Variants in RBFOX2 observed in about 807,000 individuals in gnomAD.
RBFOX2 encodes RNA binding protein fox-1 homolog 2.
A neutral mutation model predicts 49.1 loss-of-function variants in RBFOX2; 10 were observed. That is an observed-to-expected ratio of 0.20 (90% CI 0.13 to 0.35). The LOEUF (loss-of-function observed/expected upper bound fraction) is 0.35, where lower values mean the gene tolerates loss of function less well. RBFOX2 is among the 10% of genes least tolerant of loss of function. RBFOX2 has a pLI of 1.00. For missense variants in RBFOX2, 323 were observed against 486.9 expected, an observed-to-expected ratio of 0.66 and a Z score of 3.17; for synonymous variants, 183 against 187.4, an observed-to-expected ratio of 0.98 and a Z score of 0.19.
At chr22:35,786,659 T>C (rs1255753716) in intron 2 of RBFOX2, among the ~76,000 whole-genome samples, 4 of 152,128 alleles carry the variant, frequency 2.6e-5, no homozygotes, top group African/African-American at 7.2e-5. Flanking sequence ...GGAGTGCATG[T>C]TCTTAGCCAT....
chr22:35,947,979 C>T (rs908384664), intron 1 of RBFOX2, among the ~76,000 whole-genome samples: 1 of 152,234 alleles, frequency 6.6e-6, no homozygotes, highest in Non-Finnish European at 1.5e-5. Context: ...CATCCACTCA[C>T]ACTCACTCAC....
intron 2 of RBFOX2, 113 bp from the exon 4 acceptor site, chr22:35,781,859 A>G: frequency 7.9e-7 from 1 of 1,265,554 alleles, no homozygotes; most frequent in Non-Finnish European, 1.1e-6. Context: ...AAATCACAGT[A>G]GTCCCTTCAA....
chr22:35,770,634 TTCTA>T (rs1954387731), intron 4 of RBFOX2, among the ~76,000 whole-genome samples: 1 of 152,304 alleles, frequency 6.6e-6, no homozygotes, highest in East Asian at 1.9e-4. Flanking sequence ...CCTAAAATCC[TTCTA>T]TCTTTTTTCA....
chr22:35,968,031 C>T lies in RBFOX2; in HGVS notation c.187-29134G>A, dbSNP rs112175582. ...TATGCTTTCACACACCCACACAACC[C>T]GAAACTTTTTCTTAAGTGTTTTCCA... is the stretch of plus-strand genomic sequence containing the variant. On this transcript the variant is annotated intron_variant, in intron 1 of 13. Transcript: ENST00000438146. Among the ~76,000 whole-genome samples the T allele has an allele frequency of 1.1e-3, 164 of 152,152 alleles. 2 individuals carry two copies. The highest frequency in any genetic ancestry group is 1.9e-3 in the Non-Finnish European group (132 of 68,006).
intron 1 of RBFOX2, among the ~76,000 whole-genome samples, chr22:36,025,959 C>G (rs896132478): frequency 2.0e-5 from 3 of 152,006 alleles, no homozygotes; most frequent in Non-Finnish European, 4.4e-5. Context: ...GGGAATGGAC[C>G]TACAACAATG....
intron 4 of RBFOX2, among the ~76,000 whole-genome samples, chr22:35,774,777 T>C (rs1161291072): frequency 1.3e-5 from 2 of 152,216 alleles, no homozygotes; most frequent in African/African-American, 4.8e-5. Flanking sequence ...GAACACCGTT[T>C]ACTTATGTTT....
chr22:35,917,819 A>C (rs2050594437), intron 1 of RBFOX2, among the ~76,000 whole-genome samples: 1 of 152,186 alleles, frequency 6.6e-6, no homozygotes, highest in Admixed American at 6.5e-5. Context: ...TAAAGCCTGC[A>C]CTGCTGATGG....
intron 1 of RBFOX2, among the ~76,000 whole-genome samples, chr22:35,878,039 TACACACACACACAC>T (rs58181557): frequency 3.5e-5 from 5 of 141,178 alleles, no homozygotes; most frequent in South Asian, 2.5e-4. Flanking sequence ...CTACTACTAC[TACACACACACACAC>T]ACACACACAC....
intron 1 of RBFOX2, among the ~76,000 whole-genome samples, chr22:35,825,514 A>G (rs1955473429): frequency 6.6e-6 from 1 of 152,164 alleles, no homozygotes; most frequent in South Asian, 2.1e-4. Flanking sequence ...AAATGGGGGC[A>G]GGGCCAGAAA....
At chr22:35,740,279 A>C (rs1929210831) in exon 12 of RBFOX2, 1 of 152,572 alleles carries the variant, frequency 6.6e-6, no homozygotes, top group Non-Finnish European at 1.5e-5. Flanking sequence ...TGAAGGAAGT[A>C]CATAGGAAAA....
At chr22:35,931,316 TAAAA>T (rs75649440) in intron 1 of RBFOX2, among the ~76,000 whole-genome samples, 24 of 135,328 alleles carry the variant, frequency 1.8e-4, no homozygotes, top group Non-Finnish European at 1.9e-4. Context: ...CATGTTTAGT[TAAAA>T]AAAAAAAAAA....
intron 2 of RBFOX2, among the ~76,000 whole-genome samples, chr22:35,800,733 T>C (rs1259480079): frequency 6.6e-6 from 1 of 151,974 alleles, no homozygotes; most frequent in Non-Finnish European, 1.5e-5. Context: ...ATTTACTGAG[T>C]TCTATTAAGT....
At chr22:35,961,384 T>C (rs1475588252) in intron 1 of RBFOX2, among the ~76,000 whole-genome samples, 2 of 152,194 alleles carry the variant, frequency 1.3e-5, no homozygotes. Context: ...AAGAAAATAC[T>C]CTGCAAATTC....
intron 4 of RBFOX2, among the ~76,000 whole-genome samples, chr22:35,772,797 T>C (rs1943024542): frequency 6.6e-6 from 1 of 152,146 alleles, no homozygotes; most frequent in Non-Finnish European, 1.5e-5. Context: ...AGGAGCCAAG[T>C]AACTGTCACC....
chr22:35,990,180 T>TAAAAA (rs1251363343), intron 1 of RBFOX2, among the ~76,000 whole-genome samples: 1 of 152,012 alleles, frequency 6.6e-6, no homozygotes, highest in Non-Finnish European at 1.5e-5. Flanking sequence ...AGACTCTGTC[T>TAAAAA]AAAAACAAAA....
chr22:35,865,070 A>C (rs141746995), intron 1 of RBFOX2, among the ~76,000 whole-genome samples: 72 of 152,336 alleles, frequency 4.7e-4, no homozygotes, highest in African/African-American at 1.7e-3. Flanking sequence ...GAGAAAACTG[A>C]TCTTCTCTTT....
At chr22:35,919,724 C>G (rs2050820261) in intron 1 of RBFOX2, among the ~76,000 whole-genome samples, 1 of 152,102 alleles carries the variant, frequency 6.6e-6, no homozygotes. Context: ...TTAAAGTGCC[C>G]TTGGAGAGTA....
At chr22:35,990,099 C>T (rs1398957536) in intron 1 of RBFOX2, among the ~76,000 whole-genome samples, 1 of 152,162 alleles carries the variant, frequency 6.6e-6, no homozygotes, top group African/African-American at 2.4e-5. Flanking sequence ...AGAAGAATCG[C>T]TTCAACTCAG....
chr22:35,769,164 A>C (rs940752876), intron 4 of RBFOX2, among the ~76,000 whole-genome samples: 1 of 152,216 alleles, frequency 6.6e-6, no homozygotes, highest in Non-Finnish European at 1.5e-5. Flanking sequence ...ACCTGCTATT[A>C]AAGGTAGTAG....
Sources: gnomAD v4.1 joint callset for allele counts (sites outside exome capture counted in the v4.1 genomes callset) on GRCh38, gnomAD v4.1.1 for gene constraint, MANE v1.5 for transcripts, NCBI Gene and HGNC (gene_info 2026-07-23, HGNC 2026-07-21) for gene names.